The following MGMT variants were observed in gnomAD, a reference collection of about 807,000 sequenced individuals.
The protein encoded by MGMT is O-6-methylguanine-DNA methyltransferase.
MGMT carries 14 observed loss-of-function variants against 15.9 expected under a neutral mutation model. The observed-to-expected ratio is 0.88, with a 90% CI of 0.58 to 1.37. The LOEUF (loss-of-function observed/expected upper bound fraction) is 1.37. Among genes scored for constraint, MGMT ranks in the 40% most tolerant of loss-of-function variants. The pLI is 0.00. For missense variants in MGMT, 282 were observed against 268.1 expected (o/e 1.05, Z -0.36); for synonymous variants, 130 against 118.2 (o/e 1.10, Z -0.65).
chr10:129,710,334 G>A lies in MGMT; in HGVS notation c.274+2291G>A, dbSNP rs77055554. On this transcript the variant is annotated intron_variant, in intron 3 of 4. Transcript: ENST00000651593. ...GTTTTGGGATGGTAGTGCGACAGCC[G>A]CTCACATCCTTCTCTCTTGGTGTTC... 1.8e-4 allele frequency among the ~76,000 whole-genome samples: 27 copies of A among 152,298 alleles called. No homozygotes were observed. In the East Asian group the frequency reaches 3.5e-3, roughly 20 times the overall value.
chr10:129,479,677 A>T (rs921879845), intron 1 of MGMT, among the ~76,000 whole-genome samples: 1 of 151,686 alleles, frequency 6.6e-6, no homozygotes, highest in Admixed American at 6.6e-5. Context: ...GCAGACAAGA[A>T]CCCTCATGTT....
chr10:129,552,814 C>G (rs1846172913), intron 2 of MGMT, among the ~76,000 whole-genome samples: 1 of 152,248 alleles, frequency 6.6e-6, no homozygotes, highest in Admixed American at 6.5e-5. Context: ...AGCAGTCCGT[C>G]CTTTTCTGAA....
chr10:129,710,399 T>G (rs2039373), intron 3 of MGMT, among the ~76,000 whole-genome samples: 53,999 of 152,118 alleles, frequency 0.35, 9,774 homozygotes, highest in East Asian at 0.54. Context: ...GGTGCTGAGC[T>G]CAGGGCCTTC....
In MGMT at chr10:129,536,230, T is replaced by G; in HGVS notation, c.-12-11T>G. The G allele has an allele frequency of 2.5e-6, 4 of 1,613,686 alleles. No homozygotes were observed. The highest frequency in any genetic ancestry group is 3.4e-6 in the Non-Finnish European group (4 of 1,179,874). ...CCTATACACTTTGTCTTAAAAATTA[T>G]TTCTGTTTAGGTACTTGGAAAAATG... On this transcript the variant is annotated splice_polypyrimidine_tract_variant and intron_variant, in intron 1 of 4. Transcript: ENST00000651593.
intron 3 of MGMT, among the ~76,000 whole-genome samples, chr10:129,752,148 T>G (rs1184944362): frequency 1.3e-5 from 2 of 152,026 alleles, no homozygotes; most frequent in African/African-American, 2.4e-5. Context: ...TTCCTTGAAT[T>G]TTTTCATGAG....
chr10:129,626,130 A>G (rs963052964), intron 2 of MGMT, among the ~76,000 whole-genome samples: 5 of 152,124 alleles, frequency 3.3e-5, no homozygotes, highest in African/African-American at 1.2e-4. Flanking sequence ...CAGGTGGACT[A>G]GGCTCTTTTT....
At chr10:129,622,808 G>T (rs1847105178) in intron 2 of MGMT, among the ~76,000 whole-genome samples, 1 of 151,942 alleles carries the variant, frequency 6.6e-6, no homozygotes, top group African/African-American at 2.4e-5. Flanking sequence ...AAAAAAGAAA[G>T]TATTTAGAGT....
chr10:129,759,578 T>C lies in MGMT; in HGVS notation c.414+237T>C, dbSNP rs539829544. On this transcript the variant is annotated intron_variant, in intron 4 of 4. Transcript: ENST00000651593. ...GGGAGCACATCTCCACTGCATGAGCTCCTGGTTGTCACAGTGAGCAGGAGA... is the reference window on the plus strand; with the variant it reads ...GGGAGCACATCTCCACTGCATGAGCCCCTGGTTGTCACAGTGAGCAGGAGA... 2.0e-5 allele frequency among the ~76,000 whole-genome samples: 3 copies of C among 152,210 alleles called. No homozygotes were observed. The East Asian group carries it at 5.8e-4, about 29-fold the overall frequency.
chr10:129,589,800 G>T (rs549020510), intron 2 of MGMT, among the ~76,000 whole-genome samples: 1 of 152,356 alleles, frequency 6.6e-6, no homozygotes, highest in Non-Finnish European at 1.5e-5. Flanking sequence ...TCCACCTCCA[G>T]GGCGGGCAGT....
At position 129,770,535 on chromosome 10, in the gene MGMT, C is replaced by A. The variant is rs971649845; in HGVS notation, c.*3538C>A. ...CTGTCCATGCACCCGTAGCTGTGAC[C>A]ATGGGCGGTGGCGCCAGCTCGGACT... On this transcript the variant is annotated 3_prime_UTR_variant, in exon 5 of 5. Transcript: ENST00000651593. 6.6e-6 allele frequency among the ~76,000 whole-genome samples: 1 copy of A among 152,230 alleles called. No individual in the cohort carries two copies. The highest frequency in any genetic ancestry group is 2.4e-5 in the African/African-American group (1 of 41,458).
At chr10:129,674,574 C>T (rs1847763233) in intron 2 of MGMT, among the ~76,000 whole-genome samples, 1 of 152,196 alleles carries the variant, frequency 6.6e-6, no homozygotes, top group African/African-American at 2.4e-5. Flanking sequence ...TCTTTGGTAA[C>T]CCAGATACCA....
At chr10:129,485,549 T>C (rs1427764349) in intron 1 of MGMT, among the ~76,000 whole-genome samples, 1 of 152,254 alleles carries the variant, frequency 6.6e-6, no homozygotes, top group Admixed American at 6.5e-5. Context: ...TTTTTGAACA[T>C]TGACATGCTG....
chr10:129,584,108 G>A (rs1022554273), intron 2 of MGMT, among the ~76,000 whole-genome samples: 3 of 152,244 alleles, frequency 2.0e-5, no homozygotes, highest in African/African-American at 7.2e-5. Context: ...AGGTCAGAGA[G>A]TAGACAGAGG....
At position 129,556,552 on chromosome 10, in the gene MGMT, G is replaced by C. The variant is rs772866238; in HGVS notation, c.125+20175G>C. ...AGCCCTGGCGGAAGAACGCAGCCTCGTCGGTGGGTTTGGTGATGCTGTGCA... is the reference window on the plus strand; with the variant it reads ...AGCCCTGGCGGAAGAACGCAGCCTCCTCGGTGGGTTTGGTGATGCTGTGCA... On this transcript the variant is annotated intron_variant, in intron 2 of 4. Coordinates refer to ENST00000651593, the MANE Select transcript of MGMT (RefSeq NM_002412.5). The surrounding 1 kb of genome is among the most constrained non-coding windows in gnomAD (Gnocchi z 4.3). Among the ~76,000 whole-genome samples the C allele has an allele frequency of 6.6e-6, 1 of 152,184 alleles. No individual in the cohort carries two copies. Among genetic ancestry groups the C allele is most frequent in the Non-Finnish European group, 1.5e-5 (1 of 68,038 alleles).
chr10:129,748,986 C>T (rs1297443241), intron 3 of MGMT, among the ~76,000 whole-genome samples: 1 of 152,192 alleles, frequency 6.6e-6, no homozygotes, highest in Non-Finnish European at 1.5e-5. Flanking sequence ...TTTAGTCTTA[C>T]AGACTCCACT....
chr10:129,739,800 T>A (rs1251458197), intron 3 of MGMT, among the ~76,000 whole-genome samples: 4 of 152,220 alleles, frequency 2.6e-5, no homozygotes, highest in African/African-American at 9.6e-5. Context: ...ACTCCTCAGC[T>A]ATCATTAGTG....
At chr10:129,686,788 A>T (rs552385342) in intron 2 of MGMT, among the ~76,000 whole-genome samples, 1 of 152,212 alleles carries the variant, frequency 6.6e-6, no homozygotes, top group African/African-American at 2.4e-5. Flanking sequence ...TACAGAAGTC[A>T]TGAGTTTGAA....
intron 1 of MGMT, among the ~76,000 whole-genome samples, chr10:129,494,109 A>G (rs12240884): frequency 0.059 from 8,982 of 152,258 alleles, 884 homozygotes; most frequent in African/African-American, 0.2. Context: ...AATTTTGTGC[A>G]CAAAGATGTT....
chr10:129,660,795 C>T (rs1847588154), intron 2 of MGMT, among the ~76,000 whole-genome samples: 1 of 151,930 alleles, frequency 6.6e-6, no homozygotes. Context: ...CACACACACA[C>T]ACACGCACAC....
Sources: gnomAD v4.1 joint callset for allele counts (sites outside exome capture counted in the v4.1 genomes callset) on GRCh38, gnomAD v4.1.1 for gene constraint, Gnocchi (gnomAD v3.1) non-coding constraint, MANE v1.5 for transcripts, NCBI Gene and HGNC (gene_info 2026-07-23, HGNC 2026-07-21) for gene names.